The following FALEC variants were observed in gnomAD, a reference collection of about 807,000 sequenced individuals.
The protein encoded by FALEC is focally amplified lncRNA on chromosome 1.
the FALEC span, among the ~76,000 whole-genome samples, chr1:150,529,035 A>AAAAAAAAAAAAAAAAAC: frequency 6.6e-6 from 1 of 151,070 alleles, no homozygotes; most frequent in African/African-American, 2.4e-5. Flanking sequence ...AAAAAAAAAA[A>AAAAAAAAAAAAAAAAAC]AAAATCAAAG....
At chr1:150,519,332 C>T (rs1261190461), downstream of FALEC, among the ~76,000 whole-genome samples, 1 of 152,154 alleles carries the variant, frequency 6.6e-6, no homozygotes. Flanking sequence ...TTGTAAACAG[C>T]TTTATTGGAT....
downstream of FALEC, among the ~76,000 whole-genome samples, chr1:150,519,329 C>T (rs1670610256): frequency 6.6e-6 from 1 of 152,142 alleles, no homozygotes; most frequent in African/African-American, 2.4e-5. Context: ...ATTTTGTAAA[C>T]AGCTTTATTG....
downstream of FALEC, among the ~76,000 whole-genome samples, chr1:150,522,244 CAAA>C (rs60709164): frequency 1.2e-4 from 14 of 119,056 alleles, no homozygotes; most frequent in East Asian, 5.2e-4. Flanking sequence ...GAGACTGTCT[CAAA>C]AAAAAAAAAA....
chr1:150,527,965 G>T, the FALEC span, among the ~76,000 whole-genome samples: 49 of 152,252 alleles, frequency 3.2e-4, no homozygotes, highest in African/African-American at 1.1e-3. Flanking sequence ...CCTCAAGTGA[G>T]GCATCCAATA....
downstream of FALEC, among the ~76,000 whole-genome samples, chr1:150,522,929 ATATATG>A (rs1437075867): frequency 7.2e-5 from 1 of 13,956 alleles, no homozygotes; most frequent in Non-Finnish European, 1.2e-4. Flanking sequence ...ATATATACAT[ATATATG>A]TGTGTGTGTG....
chr1:150,523,091 G>A, the FALEC span, among the ~76,000 whole-genome samples: 1 of 138,858 alleles, frequency 7.2e-6, no homozygotes, highest in South Asian at 2.3e-4. Context: ...AGGTTCAAGC[G>A]ATTCTCCTGC....
At chr1:150,536,726 C>T in the FALEC span, among the ~76,000 whole-genome samples, 1 of 152,138 alleles carries the variant, frequency 6.6e-6, no homozygotes, top group Non-Finnish European at 1.5e-5. Context: ...GAGGTCGAGG[C>T]TGCAGTGAGC....
At chr1:150,532,561 G>C in the FALEC span, among the ~76,000 whole-genome samples, 6 of 152,296 alleles carry the variant, frequency 3.9e-5, no homozygotes, top group African/African-American at 1.2e-4. Context: ...TGCCTAGAAT[G>C]GGGGCCAGGG....
At chr1:150,519,206 C>T (rs1232657932), downstream of FALEC, among the ~76,000 whole-genome samples, 1 of 152,152 alleles carries the variant, frequency 6.6e-6, no homozygotes, top group Non-Finnish European at 1.5e-5. Context: ...TGATGACGCC[C>T]TCCTCCCGTG....
chr1:150,520,783 C>CTTTTTTTTTTTTTT (rs71086518), downstream of FALEC, among the ~76,000 whole-genome samples: 74 of 42,836 alleles, frequency 1.7e-3, 2 homozygotes, highest in Non-Finnish European at 2.6e-3. Context: ...CTTTTCTTTT[C>CTTTTTTTTTTTTTT]TTTTTTTTTT....
chr1:150,531,477 A>C, the FALEC span, among the ~76,000 whole-genome samples: 1 of 152,056 alleles, frequency 6.6e-6, no homozygotes, highest in African/African-American at 2.4e-5. Flanking sequence ...CTCCATCTCA[A>C]GAAAAAAAAA....
At chr1:150,532,286 C>T in the FALEC span, among the ~76,000 whole-genome samples, 1 of 152,160 alleles carries the variant, frequency 6.6e-6, no homozygotes, top group African/African-American at 2.4e-5. Context: ...GAGGCTGGAC[C>T]GTCCTCTGTC....
In FALEC at chr1:150,517,706, C is replaced by G. The variant is rs1406044526; in HGVS notation, n.307-67C>G. On this transcript the variant is annotated intron_variant and non_coding_transcript_variant, in intron 1 of 1. Coordinates refer to ENST00000416894, the Ensembl canonical transcript of FALEC. ...CATGCTGGCACATGATCTAGGACTTCTAGCCTCCAGAACTGTGAGAAATAC... is the reference window on the plus strand; with the variant it reads ...CATGCTGGCACATGATCTAGGACTTGTAGCCTCCAGAACTGTGAGAAATAC... 1.8e-4 allele frequency: 27 copies of G among 152,270 alleles called. 1 individual carries two copies. Among genetic ancestry groups the G allele is most frequent in the Admixed American group, 1.8e-3 (27 of 15,272 alleles). The allele number at this position is 152,270 out of a possible 1,614,324, so 9.4% of individuals were successfully genotyped here.
the FALEC span, among the ~76,000 whole-genome samples, chr1:150,533,384 T>C: frequency 1.3e-5 from 2 of 150,968 alleles, no homozygotes; most frequent in African/African-American, 2.4e-5. Flanking sequence ...CGAAACTCTA[T>C]GCTAAATGTT....
At chr1:150,522,968 TATATATATATATATA>T (rs1670674373), downstream of FALEC, among the ~76,000 whole-genome samples, 8 of 47,604 alleles carry the variant, frequency 1.7e-4, no homozygotes, top group Admixed American at 6.3e-4. Context: ...TATATATATA[TATATATATATATATA>T]TTTTTTTTTT....
chr1:150,525,834 G>A, the FALEC span, among the ~76,000 whole-genome samples: 1 of 152,104 alleles, frequency 6.6e-6, no homozygotes, highest in African/African-American at 2.4e-5. Context: ...TAGAGACAGA[G>A]GTCTTGCTGT....
chr1:150,527,764 C>T, the FALEC span, among the ~76,000 whole-genome samples: 5 of 151,980 alleles, frequency 3.3e-5, no homozygotes, highest in Non-Finnish European at 5.9e-5. Context: ...GCAGGAGAAT[C>T]GCTTGAACCC....
the FALEC span, among the ~76,000 whole-genome samples, chr1:150,527,290 G>C: frequency 6.6e-6 from 1 of 150,754 alleles, no homozygotes; most frequent in Admixed American, 6.6e-5. Context: ...ATGGAGTCTT[G>C]ATCTGTTGCC....
downstream of FALEC, among the ~76,000 whole-genome samples, chr1:150,522,914 C>CGTAT (rs1553907942): frequency 5.1e-5 from 3 of 58,776 alleles, no homozygotes; most frequent in African/African-American, 1.8e-4. Context: ...CATATATATA[C>CGTAT]ATATATATAT....
Sources: allele counts gnomAD v4.1 joint callset (sites outside exome capture counted in the v4.1 genomes callset), GRCh38; gene constraint gnomAD v4.1.1; transcripts MANE v1.5; gene names NCBI Gene and HGNC (gene_info 2026-07-23, HGNC 2026-07-21).